The following TMLHE variants were observed in gnomAD, a reference collection of about 807,000 sequenced individuals.
The protein encoded by TMLHE is trimethyllysine hydroxylase, epsilon.
Under a neutral mutation model 25.7 loss-of-function variants are expected in TMLHE, and 18 were observed. The observed-to-expected ratio is 0.70, with a 90% CI of 0.48 to 1.04. TMLHE has a LOEUF of 1.04. Ranked by LOEUF, TMLHE falls within the 50% of genes least tolerant of loss-of-function variation. The pLI is 0.00. For synonymous variants in TMLHE, 105 were observed against 97.0 expected, an observed-to-expected ratio of 1.08 and a Z score of -0.49; for missense variants, 236 against 259.0, an observed-to-expected ratio of 0.91 and a Z score of 0.61.
intron 1 of TMLHE, among the ~76,000 whole-genome samples, chrX:155,546,833 C>T (rs782617617): frequency 9.0e-6 from 1 of 110,959 alleles, no homozygotes; most frequent in African/African-American, 3.3e-5. Flanking sequence ...CTGTCTGAAA[C>T]AGGGGCTGGC....
intron 1 of TMLHE, among the ~76,000 whole-genome samples, chrX:155,598,520 G>A (rs1480834129): frequency 1.1e-5 from 1 of 93,980 alleles, no homozygotes; most frequent in African/African-American, 4.0e-5. Context: ...CATGGACGTA[G>A]GAAGGGGAAC....
rs191774854 is a variant in TMLHE, at chrX:155,511,900, T to A, written c.639-108A>T. The A allele has an allele frequency of 7.8e-4, 682 of 870,287 alleles. 6 individuals carry two copies. The African/African-American group carries it at 0.012, about 16-fold the overall frequency. 71.7% of individuals were successfully genotyped at this position (870,287 alleles called of 1,213,427 possible). A position where few individuals can be genotyped will look rare whatever the true frequency, so the allele number is the denominator to read the frequency against. ...TAGTTACTCACAAATAACAGTAGATTTTTTTGGTTCCAGAATTTAATCCAT... is the reference window on the plus strand; with the variant it reads ...TAGTTACTCACAAATAACAGTAGATATTTTTGGTTCCAGAATTTAATCCAT... On this transcript the variant is annotated intron_variant, in intron 4 of 7. Coordinates refer to ENST00000334398, the MANE Select transcript of TMLHE (RefSeq NM_018196.4).
intron 1 of TMLHE, among the ~76,000 whole-genome samples, chrX:155,596,987 C>A: frequency 9.3e-6 from 1 of 107,185 alleles, no homozygotes; most frequent in Middle Eastern, 4.7e-3. Context: ...ATTAACTCGT[C>A]ATTTAGCGTT....
At chrX:155,553,659 T>C (rs1160942477) in intron 1 of TMLHE, among the ~76,000 whole-genome samples, 6 of 110,690 alleles carry the variant, frequency 5.4e-5, no homozygotes, top group Non-Finnish European at 7.6e-5. Flanking sequence ...TTTACATTTA[T>C]TATAATTACT....
At chrX:155,547,874 A>G (rs1198389823) in intron 1 of TMLHE, among the ~76,000 whole-genome samples, 16 of 111,255 alleles carry the variant, frequency 1.4e-4, no homozygotes, top group African/African-American at 4.9e-4. Flanking sequence ...AATGACACAT[A>G]TAATTAAAAT....
chrX:155,589,071 T>C (rs2067680604), intron 1 of TMLHE, among the ~76,000 whole-genome samples: 1 of 112,362 alleles, frequency 8.9e-6, no homozygotes, highest in African/African-American at 3.2e-5. Flanking sequence ...AGCAAAGATA[T>C]AGAATAAACC....
chrX:155,561,377 G>A (rs1192229867), intron 1 of TMLHE, among the ~76,000 whole-genome samples: 1 of 60,564 alleles, frequency 1.7e-5, no homozygotes, highest in African/African-American at 3.7e-5. Flanking sequence ...ACAGCAAGGG[G>A]AAATCCACTG....
At chrX:155,512,152 AT>A (rs1224567256) in intron 4 of TMLHE, among the ~76,000 whole-genome samples, 4 of 110,855 alleles carry the variant, frequency 3.6e-5, no homozygotes, top group Non-Finnish European at 5.7e-5. Flanking sequence ...TCTGGAAGTG[AT>A]TTTTTTATTT....
chrX:155,513,414 G>A (rs2067130967), intron 4 of TMLHE, among the ~76,000 whole-genome samples: 1 of 111,265 alleles, frequency 9.0e-6, no homozygotes, highest in Non-Finnish European at 1.9e-5. Context: ...GCAGTAAAAC[G>A]GGGACAAAAC....
intron 2 of TMLHE, among the ~76,000 whole-genome samples, chrX:155,544,713 C>G (rs1180659755): frequency 9.0e-6 from 1 of 111,426 alleles, no homozygotes; most frequent in African/African-American, 3.3e-5. Context: ...TTAAGGCTTT[C>G]TTTTCTTTAT....
At chrX:155,513,842 A>G (rs1045246817) in intron 4 of TMLHE, 144 bp downstream of exon 4, 4 of 540,009 alleles carry the variant, frequency 7.4e-6, no homozygotes, top group East Asian at 7.1e-5. Context: ...CAAATAAAGT[A>G]CTGCAAGTGA....
intron 1 of TMLHE, among the ~76,000 whole-genome samples, chrX:155,576,698 A>C (rs992463761): frequency 9.8e-5 from 11 of 111,857 alleles, no homozygotes; most frequent in African/African-American, 3.6e-4. Context: ...CCCAGAAATA[A>C]AGTTGTGCAC....
chrX:155,556,366 C>T (rs782657627), intron 1 of TMLHE, among the ~76,000 whole-genome samples: 3 of 111,143 alleles, frequency 2.7e-5, no homozygotes, highest in African/African-American at 9.8e-5. Flanking sequence ...CACGTGGGTT[C>T]TTTTCTAGTT....
chrX:155,598,206 A>C (rs1405341423), intron 1 of TMLHE, among the ~76,000 whole-genome samples: 1 of 111,614 alleles, frequency 9.0e-6, no homozygotes, highest in Non-Finnish European at 1.9e-5. Context: ...GATTATGAGA[A>C]AGAAGATGTA....
At chrX:155,556,253 C>G (rs2067454364) in intron 1 of TMLHE, among the ~76,000 whole-genome samples, 1 of 24,228 alleles carries the variant, frequency 4.1e-5, no homozygotes, top group African/African-American at 7.9e-5. Flanking sequence ...AGGAATGTAG[C>G]CTGGCCAACA....
chrX:155,603,607 G>A (rs967714278), intron 1 of TMLHE, among the ~76,000 whole-genome samples: 1 of 111,639 alleles, frequency 9.0e-6, no homozygotes, highest in African/African-American at 3.3e-5. Flanking sequence ...TTGAGAGGTC[G>A]GATATAAACC....
chrX:155,528,904 G>A (rs2067234554), intron 2 of TMLHE, among the ~76,000 whole-genome samples: 1 of 111,598 alleles, frequency 9.0e-6, no homozygotes, highest in Admixed American at 9.5e-5. Context: ...CTGCATATAA[G>A]GTTATTCATA....
chrX:155,561,858 T>C (rs1265142038), intron 1 of TMLHE, among the ~76,000 whole-genome samples: 4 of 62,722 alleles, frequency 6.4e-5, no homozygotes, highest in African/African-American at 1.4e-4. Context: ...GATGCAAGGG[T>C]TGTGCTCCCA....
Position 155,507,098 on chromosome X carries a change from A to T in TMLHE, c.795T>A (p.Thr265=). 8.3e-7 allele frequency: 1 copy of T among 1,209,567 alleles called. No individual in the cohort carries two copies. Among genetic ancestry groups the T allele is most frequent in the East Asian group, 3.0e-5 (1 of 33,808 alleles). ...QVFHCLKHEG[T]GGRTLLVDGF... ...CATCTACTAGCAGTGTCCTGCCACC[A>T]GTTCCTTCATGTTTAAGACAATGAA... The change falls in exon 6 of 8, where the codon ACT becomes ACA. Residue 265 remains threonine, a synonymous_variant. Transcript: ENST00000334398.
Sources: allele counts gnomAD v4.1 joint callset (sites outside exome capture counted in the v4.1 genomes callset), GRCh38; gene constraint gnomAD v4.1.1; transcripts MANE v1.5; gene names NCBI Gene and HGNC (gene_info 2026-07-23, HGNC 2026-07-21).